The following GPC5 variants were observed in gnomAD, a reference collection of about 807,000 sequenced individuals.
GPC5 encodes the protein glypican-5.
GPC5 carries 47 observed loss-of-function variants against 53.9 expected under a neutral mutation model. That is an observed-to-expected ratio of 0.87 (90% CI 0.69 to 1.11). The LOEUF (loss-of-function observed/expected upper bound fraction) is 1.11. Among genes scored for constraint, GPC5 ranks in the 50% most tolerant of loss-of-function variants. The probability of loss-of-function intolerance (pLI) is 0.00; values close to 1 mark genes in which losing one functional copy is unlikely to be tolerated. For synonymous variants in GPC5, 286 were observed against 263.3 expected, an observed-to-expected ratio of 1.09 and a Z score of -0.84; for missense variants, 748 against 713.1, an observed-to-expected ratio of 1.05 and a Z score of -0.56.
chr13:91,904,569 T>A (rs1295055620), intron 5 of GPC5, among the ~76,000 whole-genome samples: 1 of 152,028 alleles, frequency 6.6e-6, no homozygotes, highest in African/African-American at 2.4e-5. Flanking sequence ...GTAACTCAAG[T>A]TACTTAACCT....
chr13:91,890,853 CATT>C (rs2039377172), intron 5 of GPC5, among the ~76,000 whole-genome samples: 1 of 152,102 alleles, frequency 6.6e-6, no homozygotes, highest in African/African-American at 2.4e-5. Context: ...GTAGAAGTCT[CATT>C]GTGATTTGGA....
chr13:91,475,342 T>G (rs1186471648), intron 2 of GPC5, among the ~76,000 whole-genome samples: 1 of 152,196 alleles, frequency 6.6e-6, no homozygotes. Flanking sequence ...GCTGTTATTG[T>G]GCATTCCTCT....
chr13:92,865,369 C>T (rs1370155802), intron 7 of GPC5, among the ~76,000 whole-genome samples: 1 of 152,104 alleles, frequency 6.6e-6, no homozygotes, highest in African/African-American at 2.4e-5. Context: ...TATAATTTAA[C>T]ATTTGTTGCT....
intron 7 of GPC5, among the ~76,000 whole-genome samples, chr13:92,713,625 G>C (rs1254030139): frequency 7.4e-6 from 1 of 135,296 alleles, no homozygotes; most frequent in East Asian, 2.3e-4. Flanking sequence ...AAAAAAAAAA[G>C]TTCAATATTT....
chr13:92,577,769 A>G (rs954761711), intron 7 of GPC5, among the ~76,000 whole-genome samples: 15 of 149,032 alleles, frequency 1.0e-4, no homozygotes, highest in African/African-American at 3.2e-4. Context: ...TGTGAGAGCA[A>G]GTTTACAGAA....
intron 6 of GPC5, among the ~76,000 whole-genome samples, chr13:92,105,402 A>T (rs1309095701): frequency 1.3e-5 from 2 of 152,104 alleles, no homozygotes; most frequent in African/African-American, 4.8e-5. Flanking sequence ...TAACAAATGA[A>T]ATCTTTAACT....
At chr13:92,134,248 G>T (rs964111766) in intron 6 of GPC5, among the ~76,000 whole-genome samples, 19 of 152,084 alleles carry the variant, frequency 1.2e-4, no homozygotes, top group Admixed American at 9.2e-4. Flanking sequence ...TGTAGTGTTT[G>T]GAAGATGACA....
At chr13:91,408,276 C>G (rs1417934984) in intron 1 of GPC5, among the ~76,000 whole-genome samples, 2 of 152,114 alleles carry the variant, frequency 1.3e-5, no homozygotes, top group South Asian at 2.1e-4. Context: ...TGAGATCAAC[C>G]TTTTTAGATT....
At chr13:91,602,426 A>T (rs1050067233) in intron 2 of GPC5, among the ~76,000 whole-genome samples, 1 of 152,252 alleles carries the variant, frequency 6.6e-6, no homozygotes, top group Non-Finnish European at 1.5e-5. Flanking sequence ...AATGGAATTT[A>T]ATTAACTTCA....
intron 6 of GPC5, among the ~76,000 whole-genome samples, chr13:91,983,944 A>G (rs1455993831): frequency 6.6e-6 from 1 of 152,226 alleles, no homozygotes; most frequent in African/African-American, 2.4e-5. Context: ...TAAATTTCAT[A>G]AACATTCAGT....
At chr13:92,205,408 G>T (rs980225312) in intron 7 of GPC5, among the ~76,000 whole-genome samples, 1 of 152,118 alleles carries the variant, frequency 6.6e-6, no homozygotes, top group African/African-American at 2.4e-5. Context: ...GGGCTGAGGG[G>T]CTCACCAGGA....
At chr13:92,426,251 G>A (rs1876827867) in intron 7 of GPC5, among the ~76,000 whole-genome samples, 1 of 152,040 alleles carries the variant, frequency 6.6e-6, no homozygotes, top group African/African-American at 2.4e-5. Flanking sequence ...AGCACTGAAA[G>A]TCACTCTATA....
Position 92,690,420 on chromosome 13 carries a change from G to T in GPC5, c.1562-175862G>T, listed in dbSNP as rs1312903153. ...CGAGCCTTGGTTTTCAGCTCCATCAGCTCCTTTAAGCACTTCTCTGTATTG... is the reference window on the plus strand; with the variant it reads ...CGAGCCTTGGTTTTCAGCTCCATCATCTCCTTTAAGCACTTCTCTGTATTG... On this transcript the variant is annotated intron_variant, in intron 7 of 7. Coordinates refer to ENST00000377067, the MANE Select transcript of GPC5 (RefSeq NM_004466.6). Among the ~76,000 whole-genome samples the T allele has an allele frequency of 3.9e-5, 3 of 76,956 alleles. 1 individual carries two copies. The highest frequency in any genetic ancestry group is 2.3e-5 in the Non-Finnish European group (1 of 43,764). 50.5% of individuals were successfully genotyped at this position (76,956 alleles called of 152,430 possible).
chr13:92,093,274 C>T (rs1193568849), intron 6 of GPC5, among the ~76,000 whole-genome samples: 1 of 151,994 alleles, frequency 6.6e-6, no homozygotes, highest in Non-Finnish European at 1.5e-5. Flanking sequence ...AAAGCAGTCA[C>T]CAAGTTTATC....
intron 7 of GPC5, among the ~76,000 whole-genome samples, chr13:92,254,052 T>C (rs1179228110): frequency 6.6e-6 from 1 of 151,956 alleles, no homozygotes; most frequent in Non-Finnish European, 1.5e-5. Flanking sequence ...GAAGAAAAAG[T>C]TCTGTATAGC....
intron 6 of GPC5, among the ~76,000 whole-genome samples, chr13:92,017,803 C>G (rs551289665): frequency 6.6e-6 from 1 of 151,330 alleles, no homozygotes; most frequent in East Asian, 1.9e-4. Context: ...TGAGTACACA[C>G]ACGCATGAGT....
chr13:92,655,171 C>T (rs1886085610), intron 7 of GPC5, among the ~76,000 whole-genome samples: 1 of 152,042 alleles, frequency 6.6e-6, no homozygotes, highest in African/African-American at 2.4e-5. Context: ...TTTGAAGTCA[C>T]CAAGTTTGTG....
chr13:92,090,324 G>A (rs897957398), intron 6 of GPC5, among the ~76,000 whole-genome samples: 1 of 152,130 alleles, frequency 6.6e-6, no homozygotes, highest in Admixed American at 6.5e-5. Context: ...CTGTTGAAAT[G>A]TAACACCCAA....
At chr13:91,934,929 G>A (rs905596230) in intron 6 of GPC5, among the ~76,000 whole-genome samples, 1 of 151,890 alleles carries the variant, frequency 6.6e-6, no homozygotes, top group Admixed American at 6.6e-5. Context: ...TAATAGATAC[G>A]CATAATAGAT....
Sources: gnomAD v4.1 joint callset for allele counts (sites outside exome capture counted in the v4.1 genomes callset) on GRCh38, gnomAD v4.1.1 for gene constraint, MANE v1.5 for transcripts, NCBI Gene and HGNC (gene_info 2026-07-23, HGNC 2026-07-21) for gene names.